DCLK3: variants seen among roughly 807,000 people sequenced by gnomAD.
DCLK3 encodes doublecortin like kinase 3, also known as serine/threonine-protein kinase DCLK3.
In DCLK3, 30 loss-of-function variants were observed where a neutral mutation model predicts 46.4. The ratio of observed to expected loss-of-function variants is 0.65; its 90% confidence interval spans 0.48 to 0.88. The LOEUF is 0.88. Among genes scored for constraint, DCLK3 ranks in the 40% least tolerant of loss-of-function variants. The pLI, the probability that DCLK3 is intolerant of heterozygous loss-of-function variation, is 0.00. For missense variants in DCLK3, 846 were observed against 907.1 expected, an observed-to-expected ratio of 0.93 and a Z score of 0.87; for synonymous variants, 401 against 339.2, an observed-to-expected ratio of 1.18 and a Z score of -2.00.
intron 1 of DCLK3, among the ~76,000 whole-genome samples, chr3:36,748,892 G>A (rs1575145845): frequency 6.6e-6 from 1 of 152,244 alleles, no homozygotes; most frequent in East Asian, 1.9e-4. Context: ...TTGTGCCAAT[G>A]CATGGGGAGC....
Position 36,718,074 on chromosome 3 carries a change from G to A in DCLK3, c.2196C>T (p.Leu732=). The change falls in exon 4 of 5, where the codon CTC becomes CTT. Residue 732 remains leucine (L), a synonymous_variant. Coordinates refer to ENST00000636136, the MANE Select transcript of DCLK3 (RefSeq NM_001394672.2). ...AGTGGCCCAGCTGGATGATGTTAAA[G>A]AGCTCGTCCTGGTCCCTCTCAGGGC... ...FRSPERDQDE[L]FNIIQLGHFE... The A allele has an allele frequency of 6.2e-7, 1 of 1,614,152 alleles. No homozygotes were observed. The highest frequency in any genetic ancestry group is 1.3e-5 in the African/African-American group (1 of 75,032).
intron 1 of DCLK3, among the ~76,000 whole-genome samples, chr3:36,741,967 G>A (rs146916367): frequency 4.0e-4 from 61 of 152,292 alleles, no homozygotes; most frequent in African/African-American, 7.9e-4. Context: ...GGGATCCTCA[G>A]GGGAGAACCA....
At chr3:36,715,734 G>A (rs1027241443) in intron 4 of DCLK3, among the ~76,000 whole-genome samples, 2 of 152,202 alleles carry the variant, frequency 1.3e-5, no homozygotes, top group Admixed American at 6.5e-5. Flanking sequence ...GAAATCTGGC[G>A]TGTGAAACTG....
intron 1 of DCLK3, among the ~76,000 whole-genome samples, chr3:36,763,573 T>C (rs1332161379): frequency 6.6e-6 from 1 of 152,242 alleles, no homozygotes; most frequent in Admixed American, 6.5e-5. Flanking sequence ...TGTGTTTCTT[T>C]AGTTCTAAGG....
intron 1 of DCLK3, among the ~76,000 whole-genome samples, chr3:36,759,026 T>A (rs1701513273): frequency 1.3e-5 from 2 of 152,222 alleles, no homozygotes; most frequent in Admixed American, 1.3e-4. Flanking sequence ...GGTTATGTGG[T>A]CATATGAAAG....
intron 2 of DCLK3, among the ~76,000 whole-genome samples, chr3:36,727,659 T>TG (rs1309258321): frequency 1.3e-5 from 2 of 152,132 alleles, no homozygotes; most frequent in Non-Finnish European, 2.9e-5. Context: ...CAGAACTTGG[T>TG]GGGGGGCAGC....
intron 2 of DCLK3, among the ~76,000 whole-genome samples, chr3:36,722,712 T>A (rs1701077433): frequency 6.6e-6 from 1 of 152,218 alleles, no homozygotes; most frequent in African/African-American, 2.4e-5. Context: ...ACAAGCTCTC[T>A]CTTTGCCTGA....
intron 3 of DCLK3, among the ~76,000 whole-genome samples, chr3:36,720,698 G>T (rs1701044190): frequency 6.6e-6 from 1 of 151,950 alleles, no homozygotes; most frequent in South Asian, 2.1e-4. Context: ...GTACAGACAG[G>T]GTTTCACCAT....
intron 1 of DCLK3, among the ~76,000 whole-genome samples, chr3:36,758,786 A>G (rs1231530307): frequency 6.6e-6 from 1 of 152,260 alleles, no homozygotes; most frequent in Non-Finnish European, 1.5e-5. Flanking sequence ...ATAACAAATC[A>G]GGTTTAGTGT....
At chr3:36,732,786 G>A (rs996062011) in intron 2 of DCLK3, among the ~76,000 whole-genome samples, 2 of 152,168 alleles carry the variant, frequency 1.3e-5, no homozygotes, top group Non-Finnish European at 2.9e-5. Flanking sequence ...CTAAGGGAAA[G>A]GAGATTGAAA....
intron 2 of DCLK3, among the ~76,000 whole-genome samples, chr3:36,722,021 G>A (rs1239064652): frequency 1.3e-5 from 2 of 152,210 alleles, no homozygotes; most frequent in Non-Finnish European, 2.9e-5. Context: ...GGGAAACACA[G>A]ATAGACACAC....
At chr3:36,742,958 A>C (rs1220946788) in intron 1 of DCLK3, among the ~76,000 whole-genome samples, 1 of 152,212 alleles carries the variant, frequency 6.6e-6, no homozygotes, top group East Asian at 1.9e-4. Context: ...ACCTTACTAG[A>C]AAGCCACAGG....
intron 1 of DCLK3, among the ~76,000 whole-genome samples, chr3:36,750,980 G>C (rs1234112856): frequency 7.0e-6 from 1 of 142,914 alleles, no homozygotes; most frequent in African/African-American, 2.5e-5. Flanking sequence ...CATCCAACTG[G>C]GCAAAATTAA....
At chr3:36,749,349 C>T (rs1334680141) in intron 1 of DCLK3, among the ~76,000 whole-genome samples, 1 of 152,194 alleles carries the variant, frequency 6.6e-6, no homozygotes, top group Admixed American at 6.5e-5. Context: ...CCTTGGTTAT[C>T]AAACCCTAGG....
chr3:36,725,015 T>TA (rs747789503), intron 2 of DCLK3, among the ~76,000 whole-genome samples: 48,810 of 142,418 alleles, frequency 0.34, 8,807 homozygotes, highest in Non-Finnish European at 0.43. Context: ...TCTCATTTGT[T>TA]AAAAAAAAAA....
intron 2 of DCLK3, among the ~76,000 whole-genome samples, chr3:36,731,448 CGT>C (rs1484859435): frequency 1.3e-5 from 1 of 74,530 alleles, no homozygotes; most frequent in Admixed American, 1.8e-4. Context: ...CTCCTTCGTG[CGT>C]GCACACACAC....
chr3:36,737,939 T>A lies in DCLK3; in HGVS notation c.1228A>T (p.Lys410Ter). 1 of 1,614,184 alleles carries A rather than the reference T, an allele frequency of 6.2e-7. No homozygotes were observed. The highest frequency in any genetic ancestry group is 8.5e-7 in the Non-Finnish European group (1 of 1,180,040). Residue 410 changes from lysine to a stop codon, truncating the protein, a stop_gained, in exon 2 of 5, where the codon AAG becomes TAG. Coordinates refer to ENST00000636136, the MANE Select transcript of DCLK3 (RefSeq NM_001394672.2). LOFTEE classifies it high-confidence loss of function. The surrounding 1 kb of genome is among the most constrained non-coding windows in gnomAD (Gnocchi z 4.4). ...ACTTCCACAAGGTCCTTCTTGGCCT[T>A]GGCTGCTCCCTGAGCATGGCTTTCT... is the stretch of plus-strand genomic sequence containing the variant. The part of the protein sequence containing the change: ...DQESHAQGAA[K>*]AKKDLVEVLP...
chr3:36,739,173 C>T (rs1170152033), intron 1 of DCLK3, 89 bp from the exon 2 acceptor site: 15 of 397,424 alleles, frequency 3.8e-5, no homozygotes, highest in Non-Finnish European at 5.8e-5. Flanking sequence ...AGATGACTGA[C>T]TCTAGCATTA....
At chr3:36,736,837 G>A (rs1701268713) in intron 2 of DCLK3, among the ~76,000 whole-genome samples, 1 of 152,174 alleles carries the variant, frequency 6.6e-6, no homozygotes, top group South Asian at 2.1e-4. Context: ...GCATCTCAGT[G>A]GGAGGGTGGA....
Sources: allele counts gnomAD v4.1 joint callset (sites outside exome capture counted in the v4.1 genomes callset), GRCh38; gene constraint gnomAD v4.1.1; non-coding constraint Gnocchi (gnomAD v3.1); transcripts MANE v1.5; gene names NCBI Gene and HGNC (gene_info 2026-07-23, HGNC 2026-07-21).